Variants in SLC24A3 observed in about 807,000 individuals in gnomAD.
SLC24A3 encodes the protein solute carrier family 24 member 3, also known as sodium/potassium/calcium exchanger 3.
A neutral mutation model predicts 75.8 loss-of-function variants in SLC24A3; 28 were observed. The ratio of observed to expected loss-of-function variants is 0.37; its 90% CI spans 0.27 to 0.51. SLC24A3 has a LOEUF of 0.51. Ranked by LOEUF, SLC24A3 falls within the 20% of genes least tolerant of loss-of-function variation. The pLI is 0.94. For missense variants in SLC24A3, 663 were observed against 847.8 expected (o/e 0.78, Z 2.71); for synonymous variants, 372 against 334.1 (o/e 1.11, Z -1.24).
At chr20:19,372,948 G>T (rs1300337331) in intron 2 of SLC24A3, among the ~76,000 whole-genome samples, 1 of 152,124 alleles carries the variant, frequency 6.6e-6, no homozygotes, top group African/African-American at 2.4e-5. Flanking sequence ...GTTTCCTGTG[G>T]TGGCCCCAGG....
At chr20:19,611,171 G>A (rs527727138) in intron 6 of SLC24A3, among the ~76,000 whole-genome samples, 2 of 152,320 alleles carry the variant, frequency 1.3e-5, no homozygotes, top group Admixed American at 6.5e-5. Flanking sequence ...CATGGGGAAG[G>A]TCTCATCAAT....
At chr20:19,501,813 A>G (rs145301643) in intron 2 of SLC24A3, among the ~76,000 whole-genome samples, 228 of 152,210 alleles carry the variant, frequency 1.5e-3, no homozygotes, top group African/African-American at 5.2e-3. Context: ...GTAAGTTGAC[A>G]TGCAATTAGC....
intron 6 of SLC24A3, among the ~76,000 whole-genome samples, chr20:19,603,377 C>A (rs1455014547): frequency 1.3e-5 from 2 of 152,196 alleles, no homozygotes. Context: ...AATTTCTCTC[C>A]TTTTCCAAAG....
intron 2 of SLC24A3, among the ~76,000 whole-genome samples, chr20:19,310,895 CCTTTTTTGAG>C (rs1257606550): frequency 1.2e-4 from 18 of 152,290 alleles, no homozygotes; most frequent in Non-Finnish European, 1.5e-5. Context: ...TGAAATAAAG[CCTTTTTTGAG>C]CTTATAATCA....
At chr20:19,461,202 T>C (rs1449270820) in intron 2 of SLC24A3, among the ~76,000 whole-genome samples, 1 of 152,174 alleles carries the variant, frequency 6.6e-6, no homozygotes, top group Non-Finnish European at 1.5e-5. Context: ...AGGGAGGAGC[T>C]TAAGATGCCA....
chr20:19,362,620 C>T (rs923276437), intron 2 of SLC24A3, among the ~76,000 whole-genome samples: 5 of 152,168 alleles, frequency 3.3e-5, no homozygotes, highest in South Asian at 2.1e-4. Flanking sequence ...GTTTCCCAGA[C>T]GAGATAGCCG....
At chr20:19,355,422 A>G (rs1985661514) in intron 2 of SLC24A3, among the ~76,000 whole-genome samples, 1 of 152,320 alleles carries the variant, frequency 6.6e-6, no homozygotes, top group East Asian at 1.9e-4. Context: ...CCTGGGCTCA[A>G]CATTCTCCAT....
chr20:19,664,202 C>G (rs113431166), intron 7 of SLC24A3, among the ~76,000 whole-genome samples: 2,293 of 152,314 alleles, frequency 0.015, 62 homozygotes, highest in African/African-American at 0.053. Flanking sequence ...ATAATTTGAT[C>G]TGCTCCATGA....
At chr20:19,654,641 CTTT>C (rs34507566) in intron 7 of SLC24A3, among the ~76,000 whole-genome samples, 2,065 of 89,844 alleles carry the variant, frequency 0.023, 41 homozygotes, top group African/African-American at 0.09. Flanking sequence ...AAATAGAATC[CTTT>C]TTTTTTTTTT....
At chr20:19,435,162 G>A (rs1008728759) in intron 2 of SLC24A3, among the ~76,000 whole-genome samples, 3 of 152,176 alleles carry the variant, frequency 2.0e-5, no homozygotes, top group Non-Finnish European at 4.4e-5. Flanking sequence ...TCCAAGTAAG[G>A]CAAGGCCAGG....
intron 2 of SLC24A3, among the ~76,000 whole-genome samples, chr20:19,307,914 G>C (rs1219891012): frequency 6.6e-6 from 1 of 152,188 alleles, no homozygotes; most frequent in Non-Finnish European, 1.5e-5. Flanking sequence ...GCAGACATCG[G>C]TTTGCTTAAG....
intron 1 of SLC24A3, among the ~76,000 whole-genome samples, chr20:19,225,186 A>G (rs6035258): frequency 0.78 from 118,119 of 152,048 alleles, 45,994 homozygotes; most frequent in East Asian, 0.88. Flanking sequence ...TGAGCTTACG[A>G]GTTTTCAACT....
intron 2 of SLC24A3, among the ~76,000 whole-genome samples, chr20:19,440,833 G>A (rs575758279): frequency 2.6e-5 from 4 of 152,184 alleles, no homozygotes; most frequent in South Asian, 4.1e-4. Flanking sequence ...TTAAGGGCTC[G>A]GGTGGAGGGC....
rs368796797 is a variant in SLC24A3 at position 19,660,075 on chromosome 20, T to C, written c.688-5789T>C. On this transcript the variant is annotated intron_variant, in intron 7 of 16. Transcript: ENST00000328041. ...CCTCTGACCCATCACCCTCCCCTCC[T>C]GCACCCATTTTTCATGGGAATTAAC... Among the ~76,000 whole-genome samples the C allele has an allele frequency of 1.8e-4, 27 of 152,260 alleles. No homozygotes were observed. The East Asian group carries it at 5.2e-3, about 29-fold the overall frequency.
chr20:19,675,325 T>G (rs904479755), intron 9 of SLC24A3, among the ~76,000 whole-genome samples: 1 of 152,164 alleles, frequency 6.6e-6, no homozygotes, highest in Non-Finnish European at 1.5e-5. Flanking sequence ...CCATCAACAA[T>G]GGCCAGTTTG....
At chr20:19,559,151 C>T (rs2030834168) in intron 3 of SLC24A3, among the ~76,000 whole-genome samples, 1 of 152,146 alleles carries the variant, frequency 6.6e-6, no homozygotes, top group South Asian at 2.1e-4. Context: ...GCTTTCTTTA[C>T]TTTAGTCATT....
intron 2 of SLC24A3, among the ~76,000 whole-genome samples, chr20:19,443,898 C>T (rs1987336973): frequency 6.6e-6 from 1 of 152,126 alleles, no homozygotes. Context: ...AAGGCCCAGC[C>T]CATAATGTGG....
intron 3 of SLC24A3, among the ~76,000 whole-genome samples, chr20:19,553,773 G>T (rs2030740358): frequency 6.6e-6 from 1 of 152,150 alleles, no homozygotes; most frequent in Non-Finnish European, 1.5e-5. Flanking sequence ...TACAGGTGTG[G>T]CTGAGACTGT....
chr20:19,651,891 C>T, intron 6 of SLC24A3, among the ~76,000 whole-genome samples: 1 of 150,210 alleles, frequency 6.7e-6, no homozygotes, highest in Non-Finnish European at 1.5e-5. Context: ...ATGTCCTTAA[C>T]TTCTGGAATG....
Sources: gnomAD v4.1 joint callset for allele counts (sites outside exome capture counted in the v4.1 genomes callset) on GRCh38, gnomAD v4.1.1 for gene constraint, MANE v1.5 for transcripts, NCBI Gene and HGNC (gene_info 2026-07-23, HGNC 2026-07-21) for gene names.